Variants in LHFPL2 observed in about 807,000 individuals in gnomAD.
LHFPL2 encodes the protein LHFPL tetraspan subfamily member 2 protein.
LHFPL2 carries 7 observed loss-of-function variants against 17.5 expected under a neutral mutation model. The observed-to-expected ratio is 0.40, with a 90% confidence interval of 0.23 to 0.75. LHFPL2 has a LOEUF of 0.75. Ranked by LOEUF, LHFPL2 falls within the 30% of genes least tolerant of loss-of-function variation. LHFPL2 has a pLI of 0.37. For missense variants in LHFPL2, 241 were observed against 294.8 expected (o/e 0.82, Z 1.34); for synonymous variants, 134 against 116.2 (o/e 1.15, Z -0.99).
At chr5:78,572,484 GTA>G (rs1328748947) in intron 2 of LHFPL2, among the ~76,000 whole-genome samples, 9 of 146,026 alleles carry the variant, frequency 6.2e-5, no homozygotes, top group Admixed American at 1.4e-4. Flanking sequence ...ATATATATGT[GTA>G]TATATATGTG....
rs141634635 is a variant in LHFPL2 at position 78,502,231 on chromosome 5, A to T, written c.430+7553T>A. Among the ~76,000 whole-genome samples, 8 of 152,370 alleles carry T rather than the reference A, an allele frequency of 5.3e-5. No homozygotes were observed. The East Asian group carries it at 1.2e-3, about 22-fold the overall frequency. ...AAGGTCCCCAAAGGAAGTTTCTGTT[A>T]TAATTACTTGAAATTAATGGCCATC... On this transcript the variant is annotated intron_variant, in intron 4 of 4. Transcript: ENST00000380345.
chr5:78,616,891 T>A (rs1033018198), intron 2 of LHFPL2, among the ~76,000 whole-genome samples: 2 of 152,252 alleles, frequency 1.3e-5, no homozygotes, highest in Admixed American at 6.5e-5. Context: ...GAAAGATCCC[T>A]GCATATGGTT....
chr5:78,543,890 G>A lies in LHFPL2; in HGVS notation c.-186+20923C>T, dbSNP rs144099943. On this transcript the variant is annotated intron_variant, in intron 3 of 4. Transcript: ENST00000380345. Reference sequence around the variant, plus strand: ...ATGACTTGGGACGGGAGGTGGAGGGGAGAGTCTGACTTTGCCTTTGATTGT... The same window carrying A: ...ATGACTTGGGACGGGAGGTGGAGGGAAGAGTCTGACTTTGCCTTTGATTGT... 9.8e-5 allele frequency among the ~76,000 whole-genome samples: 15 copies of A among 152,362 alleles called. 1 individual carries two copies. The highest frequency in any genetic ancestry group is 3.3e-4 in the Admixed American group (5 of 15,310).
intron 1 of LHFPL2, among the ~76,000 whole-genome samples, chr5:78,632,786 G>C (rs1001782505): frequency 6.6e-6 from 1 of 152,164 alleles, no homozygotes. Context: ...AGGAGCTGAA[G>C]GGAGGAAAAT....
chr5:78,620,780 C>T (rs867044026), intron 2 of LHFPL2, among the ~76,000 whole-genome samples: 10 of 152,260 alleles, frequency 6.6e-5, no homozygotes, highest in South Asian at 2.1e-4. Context: ...TGTGCTGGGG[C>T]GCCCGCTCTA....
rs1194533995 is a variant in LHFPL2 at position 78,486,955 on chromosome 5, G to A, written c.*1942C>T. The A allele has an allele frequency of 1.3e-5, 2 of 152,196 alleles. No individual in the cohort carries two copies. Among genetic ancestry groups the A allele is most frequent in the Non-Finnish European group, 2.9e-5 (2 of 68,040 alleles). The allele number at this position is 152,196 out of a possible 1,614,324, so 9.4% of individuals were successfully genotyped here. On this transcript the variant is annotated 3_prime_UTR_variant, in exon 5 of 5. Coordinates refer to ENST00000380345, the MANE Select transcript of LHFPL2 (RefSeq NM_005779.3). ...TTCATCAAGGTTTGAGACTTGGTTA[G>A]AACATTATAAATGTACACACAGAGA...
At chr5:78,585,802 G>A (rs1743368467) in intron 2 of LHFPL2, among the ~76,000 whole-genome samples, 1 of 152,150 alleles carries the variant, frequency 6.6e-6, no homozygotes, top group Non-Finnish European at 1.5e-5. Flanking sequence ...ACAATTTTAT[G>A]AGATAGGCTA....
chr5:78,621,063 G>T (rs978487100), intron 2 of LHFPL2, among the ~76,000 whole-genome samples: 1 of 151,310 alleles, frequency 6.6e-6, no homozygotes, highest in Non-Finnish European at 1.5e-5. Flanking sequence ...TGCCTCCCAG[G>T]TAAAACCATC....
Position 78,584,999 on chromosome 5 carries a change from T to TAAGCCCGTTGGAAAAGCGCAGTA in LHFPL2, c.-244-20129_-244-20128insTACTGCGCTTTTCCAACGGGCTT, listed in dbSNP as rs1356291053. ...TATAATCTCCTGGTGCGCTGTGTTT[T>TAAGCCCGTTGGAAAAGCGCAGTA]TTTTTTTTTTTTTTTTTTTTTTTTT... On this transcript the variant is annotated intron_variant, in intron 2 of 4. Transcript: ENST00000380345. Among the ~76,000 whole-genome samples, 564 of 76,412 alleles carry TAAGCCCGTTGGAAAAGCGCAGTA rather than the reference T, an allele frequency of 7.4e-3. 50 individuals carry two copies. The highest frequency in any genetic ancestry group is 9.1e-3 in the East Asian group (31 of 3,418). 50.1% of individuals were successfully genotyped at this position (76,412 alleles called of 152,430 possible).
chr5:78,492,549 C>T (rs78276959), intron 4 of LHFPL2, among the ~76,000 whole-genome samples: 83 of 152,324 alleles, frequency 5.4e-4, no homozygotes, highest in African/African-American at 2.0e-3. Flanking sequence ...TGAGCCCAGC[C>T]AGGAGCATTA....
rs753988135 is a variant in LHFPL2 at position 78,489,202 on chromosome 5, A to G, written c.431-49T>C. On this transcript the variant is annotated intron_variant, in intron 4 of 4. Coordinates refer to ENST00000380345, the MANE Select transcript of LHFPL2 (RefSeq NM_005779.3). Reference sequence around the variant, plus strand: ...ATTAGAAAATCCCCATGGTGCTACAACTGTCCAGATCTGTTGTAATTGTTA... The same window carrying G: ...ATTAGAAAATCCCCATGGTGCTACAGCTGTCCAGATCTGTTGTAATTGTTA... 3.7e-6 allele frequency: 6 copies of G among 1,604,120 alleles called. No individual in the cohort carries two copies. In the African/African-American group the frequency reaches 4.0e-5, roughly 11 times the overall value.
At chr5:78,531,419 CA>C (rs11445485) in intron 3 of LHFPL2, among the ~76,000 whole-genome samples, 6,474 of 116,210 alleles carry the variant, frequency 0.056, 246 homozygotes, top group African/African-American at 0.15. Context: ...AACTCCATCT[CA>C]AAAAAAAAAA....
In LHFPL2 at chr5:78,591,776, T is replaced by C. The variant is rs114948038; in HGVS notation, c.-244-26905A>G. ...GGAGAAGCCAGGAGACCTTGTGCCA[T>C]GGGGGCTGCAGAAACAGAAAGGAAG... On this transcript the variant is annotated intron_variant, in intron 2 of 4. Transcript: ENST00000380345. Among the ~76,000 whole-genome samples, 362 of 152,238 alleles carry C rather than the reference T, an allele frequency of 2.4e-3. 1 individual carries two copies. Among genetic ancestry groups the C allele is most frequent in the African/African-American group, 8.1e-3 (336 of 41,556 alleles).
chr5:78,554,460 T>C (rs1449811955), intron 3 of LHFPL2, among the ~76,000 whole-genome samples: 1 of 152,252 alleles, frequency 6.6e-6, no homozygotes, highest in Non-Finnish European at 1.5e-5. Flanking sequence ...CATCTCTTTA[T>C]TGGCTCTCTT....
At chr5:78,569,690 T>G (rs1265732964) in intron 2 of LHFPL2, among the ~76,000 whole-genome samples, 1 of 152,152 alleles carries the variant, frequency 6.6e-6, no homozygotes. Flanking sequence ...AAGGCTGGAC[T>G]GTGTTAAACG....
intron 3 of LHFPL2, among the ~76,000 whole-genome samples, chr5:78,531,136 C>G (rs1755769897): frequency 6.6e-6 from 1 of 152,182 alleles, no homozygotes; most frequent in Non-Finnish European, 1.5e-5. Flanking sequence ...TCACAATGAG[C>G]CGGGCATGGT....
At chr5:78,538,882 A>C (rs1446094878) in intron 3 of LHFPL2, among the ~76,000 whole-genome samples, 1 of 152,224 alleles carries the variant, frequency 6.6e-6, no homozygotes, top group Non-Finnish European at 1.5e-5. Context: ...CCAGTGACCT[A>C]GCACCAACCA....
intron 3 of LHFPL2, among the ~76,000 whole-genome samples, chr5:78,543,448 G>A (rs894858031): frequency 6.6e-6 from 1 of 152,146 alleles, no homozygotes; most frequent in East Asian, 1.9e-4. Context: ...CTACAAGCAG[G>A]GGCACAGCAT....
intron 2 of LHFPL2, among the ~76,000 whole-genome samples, chr5:78,578,614 C>A (rs1187767707): frequency 1.3e-5 from 2 of 150,520 alleles, no homozygotes; most frequent in African/African-American, 5.0e-5. Context: ...CACACACACA[C>A]ACACACAGAG....
Sources: gnomAD v4.1 joint callset for allele counts (sites outside exome capture counted in the v4.1 genomes callset) on GRCh38, gnomAD v4.1.1 for gene constraint, MANE v1.5 for transcripts, NCBI Gene and HGNC (gene_info 2026-07-23, HGNC 2026-07-21) for gene names.